The following MBTPS1 variants were observed in gnomAD, a reference collection of about 807,000 sequenced individuals.
MBTPS1 encodes membrane-bound transcription factor site-1 protease.
A neutral mutation model predicts 127.8 loss-of-function variants in MBTPS1; 94 were observed. The observed-to-expected ratio is 0.74, with a 90% CI of 0.62 to 0.87. The LOEUF (loss-of-function observed/expected upper bound fraction) is 0.87. Among genes scored for constraint, MBTPS1 ranks in the 40% least tolerant of loss-of-function variants. The probability of loss-of-function intolerance (pLI) is 0.00; values close to 1 mark genes in which losing one functional copy is unlikely to be tolerated. For missense variants in MBTPS1, 1,636 were observed against 1,353.2 expected (o/e 1.21, Z -3.28); for synonymous variants, 632 against 509.4 (o/e 1.24, Z -3.24).
intron 22 of MBTPS1, among the ~76,000 whole-genome samples, chr16:84,055,062 G>C (rs1221226777): frequency 6.6e-6 from 1 of 152,222 alleles, no homozygotes; most frequent in Non-Finnish European, 1.5e-5. Context: ...GGAGGAGAAA[G>C]GGGGCGTGGC....
intron 12 of MBTPS1, among the ~76,000 whole-genome samples, chr16:84,072,988 AG>A (rs2085794985): frequency 6.6e-6 from 1 of 152,244 alleles, no homozygotes; most frequent in South Asian, 2.1e-4. Context: ...TCAAAATAAA[AG>A]AAAACCATAT....
intron 10 of MBTPS1, among the ~76,000 whole-genome samples, chr16:84,084,482 T>C (rs1223827773): frequency 6.6e-6 from 1 of 152,222 alleles, no homozygotes; most frequent in African/African-American, 2.4e-5. Flanking sequence ...TTCGTTTCAC[T>C]AGAGTAACCT....
chr16:84,104,355 G>A (rs1214844940), intron 1 of MBTPS1, among the ~76,000 whole-genome samples: 1 of 151,958 alleles, frequency 6.6e-6, no homozygotes, highest in Non-Finnish European at 1.5e-5. Flanking sequence ...ATGGTGGCGC[G>A]CCTATAGTCC....
chr16:84,073,754 C>A (rs781210631), intron 12 of MBTPS1, among the ~76,000 whole-genome samples: 3 of 152,052 alleles, frequency 2.0e-5, no homozygotes, highest in Non-Finnish European at 4.4e-5. Flanking sequence ...CCTGTAATCC[C>A]AGGACTCTGG....
chr16:84,059,153 C>A (rs147749094), intron 21 of MBTPS1, 149 bp downstream of exon 21: 7 of 1,014,476 alleles, frequency 6.9e-6, no homozygotes, highest in African/African-American at 4.8e-5. Flanking sequence ...AAGGCCAATA[C>A]GAGGTTCACT....
intron 10 of MBTPS1, among the ~76,000 whole-genome samples, chr16:84,084,357 G>A (rs961760522): frequency 6.6e-6 from 1 of 152,312 alleles, no homozygotes; most frequent in Admixed American, 6.5e-5. Flanking sequence ...AAAGCAGAGT[G>A]GTGACTGTCA....
intron 13 of MBTPS1, 58 bp from the exon 14 acceptor site, chr16:84,070,096 G>T: frequency 7.2e-7 from 1 of 1,383,942 alleles, no homozygotes; most frequent in Non-Finnish European, 9.8e-7. Flanking sequence ...AAACTTTCAG[G>T]TTTGAAAACA....
At position 84,112,883 on chromosome 16, in the gene MBTPS1, G is replaced by A. The variant is rs371132728; in HGVS notation, c.-325+3852C>T. Among the ~76,000 whole-genome samples, 143 of 148,932 alleles carry A rather than the reference G, an allele frequency of 9.6e-4. 1 individual carries two copies. The highest frequency in any genetic ancestry group is 3.5e-3 in the African/African-American group (141 of 40,424). ...CCAGCTACTCAGGAGGTTGAGGTGG[G>A]AGAATCGCTTGAACCTGGGAGACAG... On this transcript the variant is annotated intron_variant, in intron 1 of 22. Transcript: ENST00000343411.
chr16:84,092,401 GT>G (rs1484525714), intron 6 of MBTPS1, among the ~76,000 whole-genome samples: 1 of 152,100 alleles, frequency 6.6e-6, no homozygotes, highest in African/African-American at 2.4e-5. Context: ...ATAAAATTAA[GT>G]TTATGGTAGG....
Position 84,101,866 on chromosome 16 carries a change from A to C in MBTPS1, c.-83T>G. ...TTGATTAAAAGTGAATTTTTGTTTC[A>C]GCTAAAAGCTGCAACATTACTAATC... is the stretch of plus-strand genomic sequence containing the variant. On this transcript the variant is annotated 5_prime_UTR_variant, in exon 2 of 23. An upstream open reading frame in the 5' UTR loses its in-frame stop. Coordinates refer to ENST00000343411, the MANE Select transcript of MBTPS1 (RefSeq NM_003791.4). 1 of 1,338,958 alleles carries C rather than the reference A, an allele frequency of 7.5e-7. No individual in the cohort carries two copies. The highest frequency in any genetic ancestry group is 1.0e-6 in the Non-Finnish European group (1 of 954,884). The allele number at this position is 1,338,958 out of a possible 1,614,324, so 82.9% of individuals were successfully genotyped here. A position where few individuals can be genotyped will look rare whatever the true frequency, so the allele number is the denominator to read the frequency against.
chr16:84,109,066 A>T (rs993696338), intron 1 of MBTPS1, among the ~76,000 whole-genome samples: 3 of 152,258 alleles, frequency 2.0e-5, no homozygotes, highest in African/African-American at 7.2e-5. Context: ...AAATCCCAAC[A>T]GCAAGGAGCC....
At chr16:84,064,290 T>C (rs1210184908) in intron 18 of MBTPS1, among the ~76,000 whole-genome samples, 1 of 151,874 alleles carries the variant, frequency 6.6e-6, no homozygotes, top group Non-Finnish European at 1.5e-5. Context: ...AGGAGCTGAG[T>C]AGAAGAAAAA....
rs764832791 is a variant in MBTPS1 at position 84,083,815 on chromosome 16, A to G, written c.1286+1168T>C. ...ACTTCATCTAGATAGAAGAAGTACA[A>G]TTTATTTTTGGGGAAAATACAGTAA... is the stretch of plus-strand genomic sequence containing the variant. On this transcript the variant is annotated intron_variant, in intron 10 of 22. Transcript: ENST00000343411. 1.3e-4 allele frequency among the ~76,000 whole-genome samples: 20 copies of G among 152,234 alleles called. 1 individual carries two copies. The highest frequency in any genetic ancestry group is 2.6e-4 in the Non-Finnish European group (18 of 68,046).
chr16:84,064,048 T>A (rs1181383660), intron 18 of MBTPS1, among the ~76,000 whole-genome samples: 1 of 152,208 alleles, frequency 6.6e-6, no homozygotes, highest in Non-Finnish European at 1.5e-5. Context: ...TGACATAATT[T>A]AAAATTTGTA....
intron 13 of MBTPS1, 83 bp downstream of exon 13, chr16:84,070,505 G>T: frequency 7.3e-7 from 1 of 1,372,664 alleles, no homozygotes; most frequent in South Asian, 1.2e-5. Context: ...TTCCAATGGA[G>T]ACCCCAGGCA....
intron 17 of MBTPS1, 51 bp downstream of exon 17, chr16:84,066,438 G>C (rs1321003303): frequency 1.3e-6 from 2 of 1,594,666 alleles, no homozygotes; most frequent in Non-Finnish European, 8.6e-7. Context: ...CAGAGGTGTA[G>C]AGCTTCTGCT....
chr16:84,099,130 A>G lies in MBTPS1; in HGVS notation c.344T>C (p.Leu115Pro), dbSNP rs1467127104. 1.9e-6 allele frequency: 3 copies of G among 1,614,178 alleles called. No homozygotes were observed. The highest frequency in any genetic ancestry group is 2.2e-5 in the South Asian group (2 of 91,084). ...GATGTTTGGATGATCTTCAAGTGTT[A>G]GCAGCCCCGCTTTCTGTTTTTCTTT... Reference protein sequence around the residue: ...QIKEKQKAGLLTLEDHPNIKR... With the variant: ...QIKEKQKAGLPTLEDHPNIKR... Residue 115 changes from leucine (L) to proline (P), a missense_variant, in exon 3 of 23, where the codon CTA becomes CCA. Physicochemically the swap from Leu to Pro is moderately conservative, Grantham distance 98. Transcript: ENST00000343411.
At chr16:84,084,817 C>A (rs2085996271) in intron 10 of MBTPS1, among the ~76,000 whole-genome samples, 166 bp downstream of exon 10, 1 of 152,230 alleles carries the variant, frequency 6.6e-6, no homozygotes, top group Non-Finnish European at 1.5e-5. Context: ...AGAAGTGACT[C>A]CTACCTCTTT....
intron 16 of MBTPS1, 28 bp from the exon 17 acceptor site, chr16:84,066,641 G>A: frequency 6.2e-7 from 1 of 1,611,856 alleles, no homozygotes; most frequent in Non-Finnish European, 8.5e-7. Flanking sequence ...GACACACAGG[G>A]AACAGGGAAT....
Sources: gnomAD v4.1 joint callset for allele counts (sites outside exome capture counted in the v4.1 genomes callset) on GRCh38, gnomAD v4.1.1 for gene constraint, MANE v1.5 for transcripts, NCBI Gene and HGNC (gene_info 2026-07-23, HGNC 2026-07-21) for gene names.